CCNH: variants seen among roughly 807,000 people sequenced by gnomAD.
The protein encoded by CCNH is cyclin H.
Under a neutral mutation model 41.9 loss-of-function variants are expected in CCNH, and 31 were observed. The ratio of observed to expected loss-of-function variants is 0.74; its 90% CI spans 0.56 to 1.00. The LOEUF is 1.00. CCNH is among the 50% of genes least tolerant of loss of function. The pLI is 0.00. For synonymous variants in CCNH, 138 were observed against 136.1 expected, an observed-to-expected ratio of 1.01 and a Z score of -0.10; for missense variants, 362 against 388.4, an observed-to-expected ratio of 0.93 and a Z score of 0.57.
chr5:87,323,899 G>A (rs1335729852), intron 9 of CCNH, among the ~76,000 whole-genome samples: 2 of 151,950 alleles, frequency 1.3e-5, no homozygotes, highest in African/African-American at 4.8e-5. Context: ...TTGTATCCCT[G>A]TGTATCCTCC....
chr5:87,374,207 A>G, downstream of CCNH: 1 of 1,585,556 alleles, frequency 6.3e-7, no homozygotes. Flanking sequence ...ATAAACTCCC[A>G]GTAAAACATT....
intron 9 of CCNH, chr5:87,383,834 A>T: frequency 2.1e-6 from 3 of 1,435,758 alleles, no homozygotes; most frequent in Non-Finnish European, 2.9e-6. Flanking sequence ...TAACAGTTTC[A>T]TACTATTTAA....
intron 9 of CCNH, chr5:87,349,451 A>G (rs1759101203): frequency 1.4e-6 from 2 of 1,442,176 alleles, no homozygotes; most frequent in Middle Eastern, 2.0e-4. Context: ...AAAATTATAT[A>G]AAAGTTTCTA....
At chr5:87,395,610 C>A (rs1238884009) in intron 7 of CCNH, among the ~76,000 whole-genome samples, 2 of 152,190 alleles carry the variant, frequency 1.3e-5, no homozygotes, top group East Asian at 3.8e-4. Flanking sequence ...CAGGGGCTCA[C>A]AATTGTAATC....
At chr5:87,392,233 C>G, downstream of CCNH, 1 of 456,082 alleles carries the variant, frequency 2.2e-6, no homozygotes, top group South Asian at 1.6e-5. Flanking sequence ...CCAAGAGCAA[C>G]ACTTTATGCT....
chr5:87,399,307 A>G (rs1763209967), intron 7 of CCNH, 87 bp downstream of exon 7: 1 of 936,254 alleles, frequency 1.1e-6, no homozygotes, highest in Non-Finnish European at 1.7e-6. Flanking sequence ...CTTTCCTCTA[A>G]TGAGCAAACA....
downstream of CCNH, chr5:87,389,254 C>T: frequency 9.5e-7 from 1 of 1,056,950 alleles, no homozygotes; most frequent in Non-Finnish European, 1.4e-6. Context: ...TCGCTTGAAC[C>T]CGGGAGGCGG....
In CCNH at chr5:87,399,322, T is replaced by C. The variant is rs1053832799; in HGVS notation, c.872+72A>G. On this transcript the variant is annotated intron_variant, in intron 7 of 8. Coordinates refer to ENST00000256897, the MANE Select transcript of CCNH (RefSeq NM_001239.4). Reference sequence around the variant, plus strand: ...CTTTCCTCTAATGAGCAAACACCAATAAAATGATTTACGAACCAGCTGGAC... The same window carrying C: ...CTTTCCTCTAATGAGCAAACACCAACAAAATGATTTACGAACCAGCTGGAC... 8.1e-6 allele frequency: 9 copies of C among 1,107,432 alleles called. No individual in the cohort carries two copies. The Admixed American group carries it at 1.6e-4, about 19-fold the overall frequency. 68.6% of individuals were successfully genotyped at this position (1,107,432 alleles called of 1,614,324 possible).
In CCNH at chr5:87,384,817, CAAAAT is replaced by C. The variant is rs1451728648; in HGVS notation, c.*90+7948_*90+7952del. ...TTATTAAATTTCATGTTTTTCTCCT[CAAAAT>C]AAAGCAGAGGTCCTAGACTTTATCT... On this transcript the variant is annotated intron_variant and NMD_transcript_variant, in intron 9 of 9. Coordinates refer to the CCNH transcript ENST00000645953. 2.0e-5 allele frequency among the ~76,000 whole-genome samples: 3 copies of C among 152,050 alleles called. No individual in the cohort carries two copies. In the East Asian group the frequency reaches 5.8e-4, roughly 29 times the overall value.
chr5:87,337,587 A>C (rs190694851), intron 9 of CCNH, among the ~76,000 whole-genome samples: 2 of 152,082 alleles, frequency 1.3e-5, no homozygotes, highest in Non-Finnish European at 2.9e-5. Context: ...TCTACCCTAC[A>C]TCTGAAAGAG....
In CCNH at chr5:87,395,069, A is replaced by G. The variant is rs778990691; in HGVS notation, c.908T>C (p.Val303Ala). ...CTCCTCATGTTTGGATTTCTTTGAGACGTAATCATCATCTTCATAGCCTTT... is the reference window on the plus strand; with the variant it reads ...CTCCTCATGTTTGGATTTCTTTGAGGCGTAATCATCATCTTCATAGCCTTT... ...KRKGYEDDDY[V>A]SKKSKHEEEE... Residue 303 changes from valine (V) to alanine (A), a missense_variant, in exon 8 of 9, where the codon GTC becomes GCC. Coordinates refer to ENST00000256897, the MANE Select transcript of CCNH (RefSeq NM_001239.4). 4.3e-6 allele frequency: 7 copies of G among 1,611,872 alleles called. No individual in the cohort carries two copies. Among genetic ancestry groups the G allele is most frequent in the Non-Finnish European group, 5.9e-6 (7 of 1,178,312 alleles).
At chr5:87,329,281 C>CAAAAAAAAAAAAA (rs571157213) in intron 9 of CCNH, among the ~76,000 whole-genome samples, 1 of 119,160 alleles carries the variant, frequency 8.4e-6, no homozygotes. Flanking sequence ...TCTGTCTCTC[C>CAAAAAAAAAAAAA]AAAAAAAAAA....
chr5:87,366,372 G>T (rs1293100728), intron 9 of CCNH: 1 of 431,396 alleles, frequency 2.3e-6, no homozygotes, highest in South Asian at 1.6e-5. Flanking sequence ...TTGGAAGTCT[G>T]TTGGCACAAT....
At chr5:87,389,249 T>TG, downstream of CCNH, 1 of 1,003,240 alleles carries the variant, frequency 1.0e-6, no homozygotes, top group Non-Finnish European at 1.5e-6. Flanking sequence ...GAGAATCGCT[T>TG]GAACCCGGGA....
chr5:87,335,448 A>G (rs1302986345), intron 9 of CCNH, among the ~76,000 whole-genome samples: 58 of 77,222 alleles, frequency 7.5e-4, no homozygotes, highest in Non-Finnish European at 1.2e-3. Context: ...TTTTTTTGTG[A>G]CAGTTTCGCT....
the CCNH span, among the ~76,000 whole-genome samples, chr5:87,312,888 G>GA: frequency 6.6e-6 from 1 of 152,118 alleles, no homozygotes; most frequent in African/African-American, 2.4e-5. Context: ...GTATGAGTGT[G>GA]AAAAAAATAC....
At chr5:87,396,114 A>T (rs866529667) in intron 7 of CCNH, among the ~76,000 whole-genome samples, 1 of 152,212 alleles carries the variant, frequency 6.6e-6, no homozygotes, top group Admixed American at 6.5e-5. Flanking sequence ...AGAATACAGT[A>T]TAACTATTTA....
downstream of CCNH, chr5:87,372,315 TTGCTTCAG>T (rs993335944): frequency 3.0e-5 from 26 of 857,572 alleles, no homozygotes; most frequent in Non-Finnish European, 4.6e-5. Context: ...ATGCTGCCAC[TTGCTTCAG>T]TAGCAGGAAA....
intron 2 of CCNH, among the ~76,000 whole-genome samples, chr5:87,410,037 A>T (rs1479549944): frequency 6.6e-6 from 1 of 152,234 alleles, no homozygotes; most frequent in Non-Finnish European, 1.5e-5. Flanking sequence ...TAGGTCACAC[A>T]GCTAATAAGG....
Sources: allele counts gnomAD v4.1 joint callset (sites outside exome capture counted in the v4.1 genomes callset), GRCh38; gene constraint gnomAD v4.1.1; transcripts MANE v1.5; gene names NCBI Gene and HGNC (gene_info 2026-07-23, HGNC 2026-07-21).